MGA: variants seen among roughly 807,000 people sequenced by gnomAD.
The protein encoded by MGA is MAX gene-associated protein.
Under a neutral mutation model 261.1 loss-of-function variants are expected in MGA, and 40 were observed. The observed-to-expected ratio is 0.15, with a 90% CI of 0.12 to 0.20. The LOEUF (loss-of-function observed/expected upper bound fraction) is 0.20, where lower values mean the gene tolerates loss of function less well. Among genes scored for constraint, MGA ranks in the 10% least tolerant of loss-of-function variants. MGA has a pLI of 1.00. For synonymous variants in MGA, 1,302 were observed against 1,290.6 expected, an observed-to-expected ratio of 1.01 and a Z score of -0.19; for missense variants, 3,397 against 3,630.5, an observed-to-expected ratio of 0.94 and a Z score of 1.65.
intron 11 of MGA, among the ~76,000 whole-genome samples, chr15:41,730,641 T>G (rs1046349709): frequency 6.6e-6 from 1 of 152,214 alleles, no homozygotes; most frequent in African/African-American, 2.4e-5. Flanking sequence ...CAAATCAGGT[T>G]TGAATGACAG....
Position 41,766,644 on chromosome 15 carries a change from G to T in MGA, c.8562G>T (p.Glu2854Asp), listed in dbSNP as rs778934969. ...AACTACCCAGCTCTATGGATACAGA[G>T]TTCCCAGGGGATGCTCGGCGGGCTT... The change falls in exon 24 of 24, where the codon GAG becomes GAT. Residue 2854 changes from glutamate (E) to aspartate (D), a missense_variant. Glu to Asp is a conservative substitution (Grantham distance 45). Coordinates refer to ENST00000219905, the MANE Select transcript of MGA (RefSeq NM_001164273.2). 1 of 1,614,008 alleles carries T rather than the reference G, an allele frequency of 6.2e-7. No homozygotes were observed. Among genetic ancestry groups the T allele is most frequent in the African/African-American group, 1.3e-5 (1 of 75,022 alleles).
chr15:41,631,377 A>G (rs913927490), intron 1 of MGA, among the ~76,000 whole-genome samples: 4 of 152,138 alleles, frequency 2.6e-5, no homozygotes, highest in Non-Finnish European at 4.4e-5. Context: ...TTTTCATTTC[A>G]TGTCTATAAA....
intron 9 of MGA, among the ~76,000 whole-genome samples, chr15:41,714,593 T>C (rs1340730053): frequency 6.6e-6 from 1 of 152,202 alleles, no homozygotes; most frequent in Non-Finnish European, 1.5e-5. Flanking sequence ...AACCTCCACC[T>C]CCTGGGTTCA....
At position 41,634,605 on chromosome 15, in the gene MGA, C is replaced by T. The variant is rs748368327; in HGVS notation, c.-68+13307C>T. On this transcript the variant is annotated intron_variant, in intron 1 of 8. Transcript: ENST00000566718. Reference sequence around the variant, plus strand: ...GGAGACATCCTTCCCCTTTCCTTCCCCTTACTGAGGTAGAACTTTATTTGC... The same window carrying T: ...GGAGACATCCTTCCCCTTTCCTTCCTCTTACTGAGGTAGAACTTTATTTGC... Among the ~76,000 whole-genome samples, 5 of 152,246 alleles carry T rather than the reference C, an allele frequency of 3.3e-5. No individual in the cohort carries two copies. In the East Asian group the frequency reaches 7.7e-4, roughly 23 times the overall value.
chr15:41,699,125 G>T lies in MGA; in HGVS notation c.2154G>T (p.Arg718=). ...TGATAGAAGATTTGAAGACTTTGCGGCACAAGCAGGTGATACATCCTGGTC... is the reference window on the plus strand; with the variant it reads ...TGATAGAAGATTTGAAGACTTTGCGTCACAAGCAGGTGATACATCCTGGTC... The change falls in exon 5 of 24, where the codon CGG becomes CGT. Residue 718 remains arginine, a synonymous_variant. Coordinates refer to ENST00000219905, the MANE Select transcript of MGA (RefSeq NM_001164273.2). 4.3e-6 allele frequency: 7 copies of T among 1,611,256 alleles called. No homozygotes were observed. The highest frequency in any genetic ancestry group is 5.9e-6 in the Non-Finnish European group (7 of 1,178,622).
At position 41,727,205 on chromosome 15, in the gene MGA, G is replaced by A; in HGVS notation, c.3456G>A (p.Gln1152=). 1.2e-6 allele frequency: 2 copies of A among 1,613,822 alleles called. No homozygotes were observed. Among genetic ancestry groups the A allele is most frequent in the African/African-American group, 1.3e-5 (1 of 75,028 alleles). The change falls in exon 10 of 24, where the codon CAG becomes CAA. Residue 1152 remains glutamine, a synonymous_variant. Coordinates refer to ENST00000219905, the MANE Select transcript of MGA (RefSeq NM_001164273.2). ...CTATATGTGAGACAGAGCCTGAACA[G>A]CCTGTTCGACATTACCCATTATGGG...
intron 1 of MGA, among the ~76,000 whole-genome samples, chr15:41,645,866 A>G (rs1018687467): frequency 1.3e-5 from 2 of 152,204 alleles, no homozygotes; most frequent in Non-Finnish European, 2.9e-5. Context: ...GGTTCAAACA[A>G]TATTAATTTT....
At position 41,742,757 on chromosome 15, in the gene MGA, T is replaced by C. The variant is rs1036294360; in HGVS notation, c.4797T>C (p.Thr1599=). The change falls in exon 15 of 24, where the codon ACT becomes ACC. Residue 1599 remains threonine, a synonymous_variant. Transcript: ENST00000219905. The stretch of plus-strand genomic sequence containing the variant: ...GCCCTGTGACTGCTGCTGTCACTAC[T>C]ACCACCCCTCAAGTGTTTTTAGAAA... The C allele has an allele frequency of 5.6e-6, 9 of 1,613,880 alleles. No individual in the cohort carries two copies. Among genetic ancestry groups the C allele is most frequent in the African/African-American group, 5.3e-5 (4 of 74,914 alleles).
At chr15:41,756,768 A>AT (rs2063172678) in intron 18 of MGA, among the ~76,000 whole-genome samples, 1 of 152,112 alleles carries the variant, frequency 6.6e-6, no homozygotes, top group Non-Finnish European at 1.5e-5. Context: ...TATTTTCGAT[A>AT]TTTTTTGTAG....
At chr15:41,671,311 C>G (rs531786740) in intron 2 of MGA, among the ~76,000 whole-genome samples, 1 of 152,016 alleles carries the variant, frequency 6.6e-6, no homozygotes, top group Non-Finnish European at 1.5e-5. Context: ...TTTGTTTGAA[C>G]TTGCCTTATT....
chr15:41,708,694 A>G (rs2151453140), intron 7 of MGA, among the ~76,000 whole-genome samples: 1 of 152,270 alleles, frequency 6.6e-6, no homozygotes, highest in African/African-American at 2.4e-5. Context: ...TGTAGTCACA[A>G]CCCTGAGGTT....
At chr15:41,640,339 T>C (rs986088785) in intron 1 of MGA, among the ~76,000 whole-genome samples, 1 of 152,102 alleles carries the variant, frequency 6.6e-6, no homozygotes, top group African/African-American at 2.4e-5. Context: ...GGAGTTGAGG[T>C]GCAACTTGGT....
At chr15:41,698,140 A>C (rs187890373) in intron 3 of MGA, among the ~76,000 whole-genome samples, 31 of 141,080 alleles carry the variant, frequency 2.2e-4, no homozygotes, top group African/African-American at 8.2e-4. Flanking sequence ...AAAGTGCTGG[A>C]ATTACAAGCG....
Position 41,766,148 on chromosome 15 carries a change from G to C in MGA, c.8066G>C (p.Arg2689Thr), listed in dbSNP as rs1186538220. Residue 2689 changes from arginine (R) to threonine (T), a missense_variant, in exon 24 of 24, where the codon AGG (arginine) becomes ACG (threonine). Physicochemically the swap from Arg to Thr is moderately conservative, Grantham distance 71. This residue lies in a region of MGA where 647 missense variants were observed against 642.4 expected (regional missense o/e 1.01). Coordinates refer to ENST00000219905, the MANE Select transcript of MGA (RefSeq NM_001164273.2). ...TCTGACCATCTGAAAGACACCGTCA[G>C]GAATGAAGATAATTCCTTAGAGGAT... The C allele has an allele frequency of 1.2e-6, 2 of 1,613,876 alleles. No individual in the cohort carries two copies. Among genetic ancestry groups the C allele is most frequent in the African/African-American group, 2.7e-5 (2 of 74,930 alleles).
intron 1 of MGA, among the ~76,000 whole-genome samples, chr15:41,654,314 A>G (rs1051652147): frequency 2.0e-5 from 3 of 152,232 alleles, no homozygotes; most frequent in Non-Finnish European, 4.4e-5. Context: ...ATCTAAGTGT[A>G]TTAAAAAGAC....
intron 1 of MGA, among the ~76,000 whole-genome samples, chr15:41,629,522 A>G (rs1172676509): frequency 6.6e-6 from 1 of 152,064 alleles, no homozygotes; most frequent in East Asian, 1.9e-4. Context: ...GTTTAAACAT[A>G]TAGAACTGCC....
intron 9 of MGA, among the ~76,000 whole-genome samples, chr15:41,720,070 G>A (rs1013351098): frequency 1.3e-5 from 2 of 152,128 alleles, no homozygotes; most frequent in African/African-American, 4.8e-5. Flanking sequence ...AACATGAAAA[G>A]CAGAACTTAT....
At chr15:41,631,134 A>G (rs1403837181) in intron 1 of MGA, among the ~76,000 whole-genome samples, 1 of 152,352 alleles carries the variant, frequency 6.6e-6, no homozygotes, top group Non-Finnish European at 1.5e-5. Context: ...CCGTAAGTGC[A>G]AAGTACTGTA....
At chr15:41,671,360 G>C (rs2058049234) in intron 2 of MGA, among the ~76,000 whole-genome samples, 1 of 152,132 alleles carries the variant, frequency 6.6e-6, no homozygotes, top group African/African-American at 2.4e-5. Flanking sequence ...GTCTCACCCT[G>C]TCGCCCGGGC....
Sources: allele counts gnomAD v4.1 joint callset (sites outside exome capture counted in the v4.1 genomes callset), GRCh38; gene constraint gnomAD v4.1.1; regional missense constraint gnomAD v4.1.1; transcripts MANE v1.5; gene names NCBI Gene and HGNC (gene_info 2026-07-23, HGNC 2026-07-21).